Variants in SCARA5 observed in about 807,000 individuals in gnomAD.
SCARA5 encodes the protein scavenger receptor class A, member 5 (putative).
A neutral mutation model predicts 46.3 loss-of-function variants in SCARA5; 45 were observed. The observed-to-expected ratio is 0.97, with a 90% CI of 0.76 to 1.24. The LOEUF (loss-of-function observed/expected upper bound fraction) is 1.24, where lower values mean the gene tolerates loss of function less well. Among genes scored for constraint, SCARA5 ranks in the 50% most tolerant of loss-of-function variants. The pLI is 0.00. For synonymous variants in SCARA5, 333 were observed against 306.5 expected (o/e 1.09, Z -0.90); for missense variants, 680 against 689.0 (o/e 0.99, Z 0.15).
chr8:27,930,526 C>T (rs1164633160), intron 3 of SCARA5, among the ~76,000 whole-genome samples: 16 of 152,212 alleles, frequency 1.1e-4, no homozygotes, highest in African/African-American at 2.2e-4. Context: ...CCTCAGCCTC[C>T]GGAGTAGCTG....
rs1284110474 is a variant in SCARA5 at position 27,918,592 on chromosome 8, A to AGAGGAG, written c.916+2973_916+2978dup. Among the ~76,000 whole-genome samples the AGAGGAG allele has an allele frequency of 2.0e-5, 3 of 149,364 alleles. No individual in the cohort carries two copies. In the East Asian group the frequency reaches 6.1e-4, roughly 30 times the overall value. ...AGGAAGACAAAGAGGAGAAGGAAGA[A>AGAGGAG]GAGGAGGAGAAGGAGGAGGAAGAGG... On this transcript the variant is annotated intron_variant, in intron 4 of 8. Coordinates refer to ENST00000354914, the MANE Select transcript of SCARA5 (RefSeq NM_173833.6).
chr8:27,948,450 A>G (rs1808070678), intron 3 of SCARA5, among the ~76,000 whole-genome samples: 1 of 152,208 alleles, frequency 6.6e-6, no homozygotes, highest in East Asian at 1.9e-4. Flanking sequence ...CCCTTCCCCT[A>G]TCTTCTCTTC....
At chr8:27,877,175 C>T (rs1806738302) in intron 8 of SCARA5, among the ~76,000 whole-genome samples, 1 of 152,240 alleles carries the variant, frequency 6.6e-6, no homozygotes, top group Middle Eastern at 3.4e-3. Context: ...CAGAAAGCCT[C>T]AGTTATGCCA....
intron 3 of SCARA5, among the ~76,000 whole-genome samples, chr8:27,922,943 A>T (rs2129818799): frequency 6.6e-6 from 1 of 152,356 alleles, no homozygotes; most frequent in African/African-American, 2.4e-5. Flanking sequence ...CCCTCACCAG[A>T]CATGAATCTG....
intron 2 of SCARA5, among the ~76,000 whole-genome samples, chr8:27,976,805 G>C (rs993597053): frequency 6.6e-6 from 1 of 152,106 alleles, no homozygotes; most frequent in East Asian, 1.9e-4. Flanking sequence ...TCAGCAGGTC[G>C]GGGCAAAGAG....
In SCARA5 at chr8:27,907,159, C is replaced by G. The variant is rs185984632; in HGVS notation, c.1085G>C (p.Arg362Pro). Residue 362 changes from arginine (R) to proline (P), a missense_variant, in exon 6 of 9, where the codon CGT becomes CCT. By Grantham distance (103) the Arg-to-Pro change is moderately radical. Transcript: ENST00000354914. ...KLGATGPMGM[R>P]GFKGDRGPKG... ...GAGATTGTTATTACCTTTGAACCCA[C>G]GCATGCCCATTGGTCCTGTGGCCCC... The G allele has an allele frequency of 6.2e-7, 1 of 1,612,982 alleles. No individual in the cohort carries two copies. Among genetic ancestry groups the G allele is most frequent in the African/African-American group, 1.3e-5 (1 of 74,866 alleles).
At chr8:27,934,099 G>T (rs1807818913) in intron 3 of SCARA5, among the ~76,000 whole-genome samples, 2 of 152,174 alleles carry the variant, frequency 1.3e-5, no homozygotes, top group Admixed American at 1.3e-4. Flanking sequence ...CTGATTGTCA[G>T]CTGTCCCCAT....
rs1238285466 is a variant in SCARA5 at position 27,871,604 on chromosome 8, C to T, written c.*330G>A. 1.7e-6 allele frequency: 2 copies of T among 1,176,688 alleles called. No homozygotes were observed. Among genetic ancestry groups the T allele is most frequent in the Non-Finnish European group, 1.1e-6 (1 of 945,578 alleles). 72.9% of individuals were successfully genotyped at this position (1,176,688 alleles called of 1,614,324 possible). On this transcript the variant is annotated 3_prime_UTR_variant, in exon 9 of 9. Transcript: ENST00000354914. The stretch of plus-strand genomic sequence containing the variant: ...ACACATTCTCAGCATTCACCTGTAA[C>T]TAAAAGGCCAAAGGGAACTGGGATA...
At chr8:27,901,629 G>A (rs1320754818) in intron 7 of SCARA5, among the ~76,000 whole-genome samples, 2 of 152,296 alleles carry the variant, frequency 1.3e-5, no homozygotes, top group African/African-American at 2.4e-5. Flanking sequence ...GCTGAATACA[G>A]CTTGATGTTG....
intron 7 of SCARA5, among the ~76,000 whole-genome samples, chr8:27,897,164 A>G (rs1807076831): frequency 6.6e-6 from 1 of 152,114 alleles, no homozygotes; most frequent in East Asian, 1.9e-4. Flanking sequence ...GCTGGCCCCA[A>G]ACACCCTCCA....
intron 7 of SCARA5, among the ~76,000 whole-genome samples, chr8:27,891,957 GCT>G (rs1806990722): frequency 6.6e-6 from 1 of 152,224 alleles, no homozygotes; most frequent in African/African-American, 2.4e-5. Flanking sequence ...TTAGAGCGTG[GCT>G]CTCAACAGGC....
intron 7 of SCARA5, among the ~76,000 whole-genome samples, chr8:27,893,144 C>A (rs1205497897): frequency 6.6e-6 from 1 of 152,170 alleles, no homozygotes; most frequent in Non-Finnish European, 1.5e-5. Context: ...GAAGCAGGAA[C>A]AAAAAGGCTC....
At chr8:27,920,078 T>C (rs948043667) in intron 4 of SCARA5, among the ~76,000 whole-genome samples, 3 of 151,652 alleles carry the variant, frequency 2.0e-5, no homozygotes, top group African/African-American at 7.3e-5. Flanking sequence ...AGGGGACCAG[T>C]TTGTCAGGAG....
intron 3 of SCARA5, among the ~76,000 whole-genome samples, chr8:27,955,815 G>A (rs570295499): frequency 6.6e-6 from 1 of 152,258 alleles, no homozygotes; most frequent in East Asian, 1.9e-4. Context: ...GCTAACATTG[G>A]CAACTCTATG....
intron 3 of SCARA5, among the ~76,000 whole-genome samples, chr8:27,926,002 G>A (rs527623444): frequency 2.0e-5 from 3 of 152,212 alleles, no homozygotes; most frequent in Non-Finnish European, 4.4e-5. Flanking sequence ...CTGTTGGTGG[G>A]AGTGTAAATT....
intron 3 of SCARA5, among the ~76,000 whole-genome samples, chr8:27,950,022 T>C (rs1808098560): frequency 1.3e-5 from 2 of 152,108 alleles, no homozygotes; most frequent in South Asian, 4.1e-4. Context: ...GGAGGCTCAG[T>C]AATGTGGCCA....
At chr8:27,877,641 C>A (rs1338354042) in intron 8 of SCARA5, among the ~76,000 whole-genome samples, 1 of 152,162 alleles carries the variant, frequency 6.6e-6, no homozygotes, top group Non-Finnish European at 1.5e-5. Context: ...GAGGACTGTT[C>A]CTATTCTAAT....
Position 27,944,262 on chromosome 8 carries a change from GA to G in SCARA5, c.242-22018del, listed in dbSNP as rs540416429. Among the ~76,000 whole-genome samples, 131 of 152,320 alleles carry G rather than the reference GA, an allele frequency of 8.6e-4. 1 individual carries two copies. The highest frequency in any genetic ancestry group is 4.2e-3 in the South Asian group (20 of 4,818). ...AAAGGACATTCTTGGAGCAACGGAA[GA>G]AAATTAAATATGGATATACTGTATT... On this transcript the variant is annotated intron_variant, in intron 3 of 8. Coordinates refer to ENST00000354914, the MANE Select transcript of SCARA5 (RefSeq NM_173833.6).
In SCARA5 at chr8:27,963,029, G is replaced by A. The variant is rs533172337; in HGVS notation, c.241+3385C>T. Among the ~76,000 whole-genome samples the A allele has an allele frequency of 6.6e-5, 10 of 152,256 alleles. No homozygotes were observed. The East Asian group carries it at 1.7e-3, about 26-fold the overall frequency. On this transcript the variant is annotated intron_variant, in intron 3 of 8. Coordinates refer to ENST00000354914, the MANE Select transcript of SCARA5 (RefSeq NM_173833.6). ...ACCAGTGGTCTTGCTACATTGCTGC[G>A]ATGCTGCAGCCTCACCCCACATTCG... is the stretch of plus-strand genomic sequence containing the variant.
Sources: allele counts gnomAD v4.1 joint callset (sites outside exome capture counted in the v4.1 genomes callset), GRCh38; gene constraint gnomAD v4.1.1; transcripts MANE v1.5; gene names NCBI Gene and HGNC (gene_info 2026-07-23, HGNC 2026-07-21).